Variants in ANK2 observed in about 807,000 individuals in gnomAD.
ANK2 encodes ankyrin-2.
ANK2 carries 83 observed loss-of-function variants against 360.5 expected under a neutral mutation model. The observed-to-expected ratio is 0.23, with a 90% CI of 0.19 to 0.28. ANK2 has a LOEUF of 0.28. Ranked by LOEUF, ANK2 falls within the 10% of genes least tolerant of loss-of-function variation. The pLI is 1.00. For synonymous variants in ANK2, 1,740 were observed against 1,759.5 expected (o/e 0.99, Z 0.28); for missense variants, 4,201 against 4,795.7 (o/e 0.88, Z 3.66).
At chr4:112,900,361 T>C (rs962604372) in intron 1 of ANK2, among the ~76,000 whole-genome samples, 1 of 152,188 alleles carries the variant, frequency 6.6e-6, no homozygotes, top group African/African-American at 2.4e-5. Context: ...TGCCTTTTTT[T>C]CTCAATTGGT....
rs576844483 is a variant in ANK2 at position 113,317,737 on chromosome 4, C to A, written c.2724C>A (p.His908Gln). 1 of 1,614,124 alleles carries A rather than the reference C, an allele frequency of 6.2e-7. No individual in the cohort carries two copies. The highest frequency in any genetic ancestry group is 1.3e-5 in the African/African-American group (1 of 75,050). ...SLRSFSSDRS[H>Q]TLSHASYLRD... ...GATCCTTCAGTTCCGACAGGTCTCACACTCTGAGCCATGCCTCCTACCTGA... is the reference window on the plus strand; with the variant it reads ...GATCCTTCAGTTCCGACAGGTCTCAAACTCTGAGCCATGCCTCCTACCTGA... Residue 908 changes from histidine (H) to glutamine (Q), a missense_variant, in exon 25 of 46, where the codon CAC (histidine) becomes CAA (glutamine). This residue lies in a region of ANK2 where 1,268 missense variants were observed against 1,650.8 expected (regional missense o/e 0.77). Transcript: ENST00000357077.
At chr4:113,128,604 C>G (rs2095813180) in intron 1 of ANK2, among the ~76,000 whole-genome samples, 11 of 152,162 alleles carry the variant, frequency 7.2e-5, no homozygotes, top group Admixed American at 7.2e-4. Flanking sequence ...ATTCTCCTGC[C>G]TTAGCCTCCC....
intron 4 of ANK2, among the ~76,000 whole-genome samples, chr4:113,211,402 A>G (rs958376034): frequency 3.3e-5 from 5 of 152,194 alleles, no homozygotes; most frequent in African/African-American, 1.2e-4. Flanking sequence ...GTCTCCACAG[A>G]CAACATCATC....
At chr4:113,303,210 T>A (rs899813163) in intron 23 of ANK2, among the ~76,000 whole-genome samples, 1 of 152,214 alleles carries the variant, frequency 6.6e-6, no homozygotes, top group African/African-American at 2.4e-5. Flanking sequence ...CAAATGACTT[T>A]AAGTAAAGAC....
intron 1 of ANK2, chr4:112,881,926 T>C: frequency 1.5e-6 from 1 of 682,024 alleles, no homozygotes; most frequent in Non-Finnish European, 2.7e-6. Context: ...TTGTGTGGCT[T>C]TGCATTCACG....
chr4:113,089,546 G>T (rs1209489184), intron 1 of ANK2, among the ~76,000 whole-genome samples: 1 of 152,182 alleles, frequency 6.6e-6, no homozygotes, highest in Non-Finnish European at 1.5e-5. Context: ...GCAGATGAAG[G>T]CCAGGCATGG....
intron 1 of ANK2, chr4:112,881,771 T>A: frequency 1.4e-6 from 1 of 734,380 alleles, no homozygotes. Flanking sequence ...ATTCAAACTG[T>A]TCAAAATAAA....
intron 1 of ANK2, among the ~76,000 whole-genome samples, chr4:112,825,347 AT>A (rs1298818915): frequency 1.3e-5 from 2 of 150,812 alleles, no homozygotes; most frequent in Admixed American, 1.3e-4. Context: ...TAAAAAAAAA[AT>A]TTAAAAAAAG....
At chr4:113,301,320 T>C in intron 22 of ANK2, among the ~76,000 whole-genome samples, 1 of 152,272 alleles carries the variant, frequency 6.6e-6, no homozygotes. Flanking sequence ...TTTATTTATT[T>C]ATTTTAGTTG....
chr4:113,303,252 C>T (rs1230884513), intron 23 of ANK2, among the ~76,000 whole-genome samples: 4 of 152,094 alleles, frequency 2.6e-5, no homozygotes, highest in Admixed American at 6.5e-5. Context: ...GAGTGTTCTT[C>T]AATTGAGAAA....
chr4:112,810,153 ATATATATTTTT>A, the ANK2 span, among the ~76,000 whole-genome samples: 15 of 23,494 alleles, frequency 6.4e-4, no homozygotes, highest in East Asian at 2.2e-3. Flanking sequence ...ATATATATAT[ATATATATTTTT>A]TTTTTTTTTT....
the ANK2 span, among the ~76,000 whole-genome samples, chr4:112,784,705 G>C: frequency 1.3e-5 from 2 of 152,088 alleles, no homozygotes; most frequent in Non-Finnish European, 2.9e-5. Flanking sequence ...CAAGTGCTGG[G>C]ATTAGAGGCA....
intron 1 of ANK2, among the ~76,000 whole-genome samples, chr4:113,129,860 T>C (rs188055256): frequency 3.3e-5 from 5 of 152,304 alleles, no homozygotes; most frequent in African/African-American, 1.2e-4. Flanking sequence ...TGGAAGTAGA[T>C]TTTTAAAAAT....
chr4:112,832,984 T>C (rs533167134), intron 1 of ANK2, among the ~76,000 whole-genome samples: 1 of 152,324 alleles, frequency 6.6e-6, no homozygotes, highest in Non-Finnish European at 1.5e-5. Context: ...TGTTAGGACA[T>C]GGAGCTAGTA....
intron 1 of ANK2, among the ~76,000 whole-genome samples, chr4:112,882,723 C>G (rs998509727): frequency 1.3e-5 from 2 of 150,912 alleles, no homozygotes; most frequent in Admixed American, 1.3e-4. Flanking sequence ...TAAAATGAAG[C>G]AAAAAACCTA....
chr4:113,352,833 AT>A (rs2095501021), intron 37 of ANK2, among the ~76,000 whole-genome samples: 1 of 141,124 alleles, frequency 7.1e-6, no homozygotes, highest in Non-Finnish European at 1.5e-5. Flanking sequence ...TTTCCTGCTC[AT>A]TTTTCCTTTT....
At chr4:112,896,916 A>G (rs2081935908) in intron 1 of ANK2, among the ~76,000 whole-genome samples, 1 of 151,904 alleles carries the variant, frequency 6.6e-6, no homozygotes, top group African/African-American at 2.4e-5. Context: ...AGGATGCTCA[A>G]CATATGAACT....
At chr4:112,721,542 A>C in the ANK2 span, among the ~76,000 whole-genome samples, 30 of 33,552 alleles carry the variant, frequency 8.9e-4, no homozygotes, top group African/African-American at 2.3e-3. Context: ...ACCCCATCTC[A>C]AAAAAAAAAA....
chr4:112,913,614 G>T (rs2088560614), intron 2 of ANK2, among the ~76,000 whole-genome samples: 2 of 152,018 alleles, frequency 1.3e-5, no homozygotes, highest in Non-Finnish European at 2.9e-5. Flanking sequence ...GAATTCTCTG[G>T]ATGGTTAAAA....
Sources: gnomAD v4.1 joint callset for allele counts (sites outside exome capture counted in the v4.1 genomes callset) on GRCh38, gnomAD v4.1.1 for gene constraint, gnomAD v4.1.1 regional missense constraint, MANE v1.5 for transcripts, NCBI Gene and HGNC (gene_info 2026-07-23, HGNC 2026-07-21) for gene names.